The following SLCO4C1 variants were observed in gnomAD, a reference collection of about 807,000 sequenced individuals.
SLCO4C1 encodes the protein organic anion transporter M1.
A neutral mutation model predicts 72.1 loss-of-function variants in SLCO4C1; 58 were observed. That is an observed-to-expected ratio of 0.80 (90% CI 0.65 to 1.00). SLCO4C1 has a LOEUF of 1.00. Ranked by LOEUF, SLCO4C1 falls within the 50% of genes least tolerant of loss-of-function variation. SLCO4C1 has a pLI of 0.00. For synonymous variants in SLCO4C1, 297 were observed against 312.5 expected (o/e 0.95, Z 0.52); for missense variants, 898 against 857.9 (o/e 1.05, Z -0.58).
At chr5:102,247,757 C>T (rs1748661286) in intron 9 of SLCO4C1, among the ~76,000 whole-genome samples, 1 of 152,022 alleles carries the variant, frequency 6.6e-6, no homozygotes, top group Admixed American at 6.6e-5. Flanking sequence ...CTTCTTTCAA[C>T]AGTAATTATT....
chr5:102,258,062 A>T lies in SLCO4C1; in HGVS notation c.1154T>A (p.Met385Lys). The T allele has an allele frequency of 6.4e-7, 1 of 1,574,266 alleles. No homozygotes were observed. ...LKNLMKNAVF[M>K]CLVLSTSSEA... is the part of the protein sequence containing the mutation. ...TGAAGAAGTTGATAGAACTAAACACATAAAGACAGCATTCTTCATCAAATT... is the reference window on the plus strand; with the variant it reads ...TGAAGAAGTTGATAGAACTAAACACTTAAAGACAGCATTCTTCATCAAATT... Residue 385 changes from methionine to lysine, a missense_variant, in exon 7 of 13, where the codon ATG becomes AAG. Coordinates refer to ENST00000310954, the MANE Select transcript of SLCO4C1 (RefSeq NM_180991.5).
chr5:102,295,579 C>T lies in SLCO4C1; in HGVS notation c.355+329G>A, dbSNP rs902080576. Among the ~76,000 whole-genome samples the T allele has an allele frequency of 5.9e-5, 9 of 152,310 alleles. No homozygotes were observed. In the East Asian group the frequency reaches 1.3e-3, roughly 23 times the overall value. On this transcript the variant is annotated intron_variant, in intron 1 of 12. Transcript: ENST00000310954. The stretch of plus-strand genomic sequence containing the variant: ...TGTCTTTATAATGTAAAATAAACTC[C>T]CCAGGGTATACCTTTCCCAAAGGAA...
chr5:102,275,239 G>A (rs1447256647), intron 2 of SLCO4C1, among the ~76,000 whole-genome samples: 1 of 151,966 alleles, frequency 6.6e-6, no homozygotes, highest in Non-Finnish European at 1.5e-5. Flanking sequence ...CAACGGAAAG[G>A]GGCACATGGG....
intron 2 of SLCO4C1, among the ~76,000 whole-genome samples, chr5:102,285,826 A>G (rs1467148426): frequency 6.6e-6 from 1 of 152,174 alleles, no homozygotes; most frequent in Non-Finnish European, 1.5e-5. Context: ...AGTAAAATTT[A>G]AGAAAAATAA....
chr5:102,282,459 C>A (rs980576451), intron 2 of SLCO4C1, among the ~76,000 whole-genome samples: 1 of 151,798 alleles, frequency 6.6e-6, no homozygotes, highest in Admixed American at 6.6e-5. Flanking sequence ...AAATTGTCTG[C>A]ATGACCCATA....
At chr5:102,268,152 G>T (rs957328510) in intron 3 of SLCO4C1, among the ~76,000 whole-genome samples, 2 of 151,990 alleles carry the variant, frequency 1.3e-5, no homozygotes, top group African/African-American at 4.8e-5. Context: ...CTGATTTTCT[G>T]CCTAGATGAT....
At chr5:102,284,600 T>G (rs977965349) in intron 2 of SLCO4C1, among the ~76,000 whole-genome samples, 1 of 151,688 alleles carries the variant, frequency 6.6e-6, no homozygotes, top group Non-Finnish European at 1.5e-5. Flanking sequence ...TGCTTTATAG[T>G]GCTGCAATAA....
intron 2 of SLCO4C1, among the ~76,000 whole-genome samples, chr5:102,278,304 A>C (rs916401400): frequency 3.9e-5 from 6 of 152,230 alleles, no homozygotes; most frequent in Non-Finnish European, 8.8e-5. Context: ...TTTACCAAGA[A>C]GAGTAACATG....
At chr5:102,285,811 A>G (rs1749441381) in intron 2 of SLCO4C1, among the ~76,000 whole-genome samples, 1 of 152,180 alleles carries the variant, frequency 6.6e-6, no homozygotes, top group Admixed American at 6.5e-5. Flanking sequence ...TTTCAGTTAC[A>G]AAGAAGTAAA....
rs185617915 is a variant in SLCO4C1 at position 102,272,757 on chromosome 5, A to G, written c.620-1951T>C. Reference sequence around the variant, plus strand: ...GATCACTTGAGGTCAGGAGTTTGAGACTAGCATTGCCAACATGGTAAAACC... The same window carrying G: ...GATCACTTGAGGTCAGGAGTTTGAGGCTAGCATTGCCAACATGGTAAAACC... On this transcript the variant is annotated intron_variant, in intron 2 of 12. Coordinates refer to ENST00000310954, the MANE Select transcript of SLCO4C1 (RefSeq NM_180991.5). 7.3e-4 allele frequency among the ~76,000 whole-genome samples: 99 copies of G among 135,424 alleles called. 1 individual carries two copies. The highest frequency in any genetic ancestry group is 3.6e-3 in the Middle Eastern group (1 of 276). The allele number at this position is 135,424 out of a possible 152,430, so 88.8% of individuals were successfully genotyped here. A position where few individuals can be genotyped will look rare whatever the true frequency, so the allele number is the denominator to read the frequency against.
chr5:102,263,473 ATGT>A (rs200750601), intron 4 of SLCO4C1, among the ~76,000 whole-genome samples: 1,686 of 152,230 alleles, frequency 0.011, 16 homozygotes, highest in Non-Finnish European at 0.019. Context: ...TTATGAAAAT[ATGT>A]TATTATAATA....
chr5:102,294,008 A>G (rs1287280251), intron 1 of SLCO4C1, among the ~76,000 whole-genome samples: 1 of 152,194 alleles, frequency 6.6e-6, no homozygotes, highest in Non-Finnish European at 1.5e-5. Flanking sequence ...TCCTGGGTTC[A>G]AGTGTTTTTC....
chr5:102,280,147 AC>A (rs1181238851), intron 2 of SLCO4C1, among the ~76,000 whole-genome samples: 1 of 151,298 alleles, frequency 6.6e-6, no homozygotes, highest in Non-Finnish European at 1.5e-5. Context: ...TACAGAAGGT[AC>A]AGGAAGTAAT....
At position 102,236,591 on chromosome 5, in the gene SLCO4C1, T is replaced by TGC; in HGVS notation, c.*266_*267insGC. 3.0e-6 allele frequency: 1 copy of TGC among 329,912 alleles called. No homozygotes were observed. Among genetic ancestry groups the TGC allele is most frequent in the South Asian group, 3.3e-5 (1 of 30,690 alleles). 20.4% of individuals were successfully genotyped at this position (329,912 alleles called of 1,614,324 possible). A position where few individuals can be genotyped will look rare whatever the true frequency, so the allele number is the denominator to read the frequency against. ...AAGTGTGTATGTGTGCGTGTGTGTG[T>TGC]GTGTGTGTGTGTTCGTGTGTGTGTG... On this transcript the variant is annotated 3_prime_UTR_variant, in exon 13 of 13. Transcript: ENST00000310954.
chr5:102,278,410 C>A (rs1749288952), intron 2 of SLCO4C1, among the ~76,000 whole-genome samples: 1 of 152,084 alleles, frequency 6.6e-6, no homozygotes, highest in South Asian at 2.1e-4. Context: ...GATTTCAAAA[C>A]CCCTCTCTGA....
intron 2 of SLCO4C1, among the ~76,000 whole-genome samples, chr5:102,273,198 T>A (rs951389113): frequency 6.6e-6 from 1 of 150,928 alleles, no homozygotes; most frequent in African/African-American, 2.4e-5. Context: ...ATTTAAAAGG[T>A]TACAGAGAAA....
intron 5 of SLCO4C1, 46 bp downstream of exon 5, chr5:102,261,866 C>T (rs1238376770): frequency 1.9e-6 from 3 of 1,549,830 alleles, no homozygotes; most frequent in Non-Finnish European, 2.6e-6. Flanking sequence ...AGCAACTGGC[C>T]TACAATTAAA....
intron 8 of SLCO4C1, among the ~76,000 whole-genome samples, chr5:102,253,899 T>C (rs531986467): frequency 1.4e-3 from 216 of 152,070 alleles, no homozygotes; most frequent in Non-Finnish European, 2.5e-3. Context: ...TCATATAATA[T>C]ACCCAGGTAA....
At chr5:102,262,754 C>T (rs1748965397) in intron 4 of SLCO4C1, among the ~76,000 whole-genome samples, 1 of 152,132 alleles carries the variant, frequency 6.6e-6, no homozygotes, top group African/African-American at 2.4e-5. Context: ...TACACTAATC[C>T]TACAACTCCT....
Sources: allele counts gnomAD v4.1 joint callset (sites outside exome capture counted in the v4.1 genomes callset), GRCh38; gene constraint gnomAD v4.1.1; transcripts MANE v1.5; gene names NCBI Gene and HGNC (gene_info 2026-07-23, HGNC 2026-07-21).